The following ASCL5 variants were observed in gnomAD, a reference collection of about 807,000 sequenced individuals.
The protein encoded by ASCL5 is achaete-scute homolog 5.
For missense variants in ASCL5, 262 were observed against 268.9 expected (o/e 0.97, Z 0.18); for synonymous variants, 124 against 131.5 (o/e 0.94, Z 0.39).
At position 201,114,634 on chromosome 1, in the gene ASCL5, C is replaced by T. The variant is rs1266259006; in HGVS notation, c.*118G>A. 1.1e-6 allele frequency: 1 copy of T among 933,470 alleles called. No homozygotes were observed. The highest frequency in any genetic ancestry group is 1.4e-6 in the Non-Finnish European group (1 of 719,086). The allele number at this position is 933,470 out of a possible 1,614,324, so 57.8% of individuals were successfully genotyped here. On this transcript the variant is annotated 3_prime_UTR_variant, in exon 2 of 2. Transcript: ENST00000449188. The stretch of plus-strand genomic sequence containing the variant: ...GTCGCAGACACGGGAGCGCCGCGGA[C>T]CTCCTACAGTCACCGTCCTGCGGCG...
chr1:201,115,197 G>A lies in ASCL5; in HGVS notation c.176C>T (p.Ala59Val). 8.1e-7 allele frequency: 1 copy of A among 1,231,634 alleles called. No individual in the cohort carries two copies. The highest frequency in any genetic ancestry group is 1.0e-6 in the Non-Finnish European group (1 of 987,930). The allele number at this position is 1,231,634 out of a possible 1,614,324, so 76.3% of individuals were successfully genotyped here. Residue 59 changes from alanine to valine, a missense_variant, in exon 2 of 2, where the codon GCC (alanine) becomes GTC (valine). Transcript: ENST00000449188. ...PGPAEPPYYD[A>V]YAGVFPYVPF... ...CACGTAGGGGAACACCCCCGCATAGGCGTCGTAGTAGGGCGGCTCTGCTGG... is the reference window on the plus strand; with the variant it reads ...CACGTAGGGGAACACCCCCGCATAGACGTCGTAGTAGGGCGGCTCTGCTGG...
intron 1 of ASCL5, among the ~76,000 whole-genome samples, chr1:201,121,808 GACAGACT>G (rs60082513): frequency 6.6e-6 from 1 of 151,076 alleles, no homozygotes; most frequent in African/African-American, 2.4e-5. Context: ...CCAGCTGGGT[GACAGACT>G]CAGACCCTGT....
At chr1:201,116,680 G>A (rs1663354708) in intron 1 of ASCL5, among the ~76,000 whole-genome samples, 1 of 152,176 alleles carries the variant, frequency 6.6e-6, no homozygotes, top group Non-Finnish European at 1.5e-5. Flanking sequence ...TAATTGGTGT[G>A]TGTTGAGTTT....
In ASCL5 at chr1:201,115,002, G is replaced by C. The variant is rs1489564311; in HGVS notation, c.371C>G (p.Thr124Arg). Reference protein sequence around the residue: ...LAEKRLSKVETLRAAIRYIKY... With the variant: ...LAEKRLSKVERLRAAIRYIKY... ...TATGTAGCGGATGGCGGCGCGCAGC[G>C]TCTCCACCTTGCTGAGTCGCTTCTC... Residue 124 changes from threonine to arginine, a missense_variant, in exon 2 of 2, where the codon ACG (threonine) becomes AGG (arginine). Physicochemically the swap from Thr to Arg is moderately conservative, Grantham distance 71. Coordinates refer to ENST00000449188, the MANE Select transcript of ASCL5 (RefSeq NM_001270601.2). The C allele has an allele frequency of 4.9e-6, 6 of 1,231,640 alleles. No individual in the cohort carries two copies. Among genetic ancestry groups the C allele is most frequent in the Non-Finnish European group, 5.1e-6 (5 of 988,028 alleles). The allele number at this position is 1,231,640 out of a possible 1,614,324, so 76.3% of individuals were successfully genotyped here.
intron 1 of ASCL5, among the ~76,000 whole-genome samples, chr1:201,124,793 C>T (rs141426786): frequency 4.6e-5 from 7 of 152,310 alleles, no homozygotes; most frequent in Non-Finnish European, 8.8e-5. Context: ...TCAGGGTGTC[C>T]TTGTGAAGTG....
At chr1:201,126,306 G>A (rs1448711922) in intron 1 of ASCL5, among the ~76,000 whole-genome samples, 1 of 151,824 alleles carries the variant, frequency 6.6e-6, no homozygotes, top group Non-Finnish European at 1.5e-5. Context: ...AAATTTTTTT[G>A]TAGAGACAGA....
chr1:201,126,603 T>C (rs757315459), intron 1 of ASCL5, among the ~76,000 whole-genome samples: 1 of 152,206 alleles, frequency 6.6e-6, no homozygotes, highest in Non-Finnish European at 1.5e-5. Context: ...GTGAGCCATA[T>C]ACTATTATTA....
intron 1 of ASCL5, among the ~76,000 whole-genome samples, 197 bp downstream of exon 1, chr1:201,126,887 C>T (rs1392420585): frequency 6.6e-6 from 1 of 152,254 alleles, no homozygotes; most frequent in Non-Finnish European, 1.5e-5. Flanking sequence ...CTTCTCCCAG[C>T]ACTGGTGGGT....
At position 201,114,749 on chromosome 1, in the gene ASCL5, C is replaced by G. The variant is rs531346128; in HGVS notation, c.*3G>C. 2.4e-6 allele frequency: 3 copies of G among 1,230,992 alleles called. No individual in the cohort carries two copies. The highest frequency in any genetic ancestry group is 3.0e-6 in the Non-Finnish European group (3 of 987,484). 76.3% of individuals were successfully genotyped at this position (1,230,992 alleles called of 1,614,324 possible). ...TCCAAGCCGGGGGCGGCCACAGGCC[C>G]GATCAATGCCAGGATTCCTCCGACT... On this transcript the variant is annotated 3_prime_UTR_variant, in exon 2 of 2. Coordinates refer to ENST00000449188, the MANE Select transcript of ASCL5 (RefSeq NM_001270601.2).
intron 1 of ASCL5, among the ~76,000 whole-genome samples, chr1:201,122,001 A>G (rs1287816396): frequency 6.6e-6 from 1 of 152,176 alleles, no homozygotes; most frequent in Non-Finnish European, 1.5e-5. Flanking sequence ...ATCCTTTCAG[A>G]ATCTTGACGG....
At position 201,115,196 on chromosome 1, in the gene ASCL5, G is replaced by A. The variant is rs1272905162; in HGVS notation, c.177C>T (p.Ala59=). The A allele has an allele frequency of 8.1e-7, 1 of 1,231,518 alleles. No homozygotes were observed. Among genetic ancestry groups the A allele is most frequent in the Admixed American group, 4.2e-5 (1 of 23,698 alleles). 76.3% of individuals were successfully genotyped at this position (1,231,518 alleles called of 1,614,324 possible). ...GCACGTAGGGGAACACCCCCGCATA[G>A]GCGTCGTAGTAGGGCGGCTCTGCTG... The part of the protein sequence containing the change: ...PGPAEPPYYD[A]YAGVFPYVPF... Residue 59 remains alanine (A), a synonymous_variant, in exon 2 of 2, where the codon GCC becomes GCT. Transcript: ENST00000449188.
At position 201,126,917 on chromosome 1, in the gene ASCL5, G is replaced by A. The variant is rs554010347; in HGVS notation, c.-506+167C>T. 3.7e-4 allele frequency among the ~76,000 whole-genome samples: 57 copies of A among 152,362 alleles called. 1 individual carries two copies. Among genetic ancestry groups the A allele is most frequent in the African/African-American group, 1.3e-3 (55 of 41,588 alleles). On this transcript the variant is annotated intron_variant, in intron 1 of 1. Coordinates refer to ENST00000449188, the MANE Select transcript of ASCL5 (RefSeq NM_001270601.2). Reference sequence around the variant, plus strand: ...GTGGGTGCCGTAACCCCAGCCAGCAGGTGGCTTGGCTCTGTTTTCCTTTCC... The same window carrying A: ...GTGGGTGCCGTAACCCCAGCCAGCAAGTGGCTTGGCTCTGTTTTCCTTTCC...
chr1:201,120,993 T>C (rs1290286725), intron 1 of ASCL5, among the ~76,000 whole-genome samples: 1 of 152,226 alleles, frequency 6.6e-6, no homozygotes, highest in Non-Finnish European at 1.5e-5. Flanking sequence ...ACTCATTAGC[T>C]TTGTGGAATC....
chr1:201,125,190 G>A (rs1397051440), intron 1 of ASCL5, among the ~76,000 whole-genome samples: 1 of 152,196 alleles, frequency 6.6e-6, no homozygotes, highest in Non-Finnish European at 1.5e-5. Flanking sequence ...TAAGGTTACT[G>A]TGAAGTTCAA....
At chr1:201,116,236 T>C (rs1307369830) in intron 1 of ASCL5, among the ~76,000 whole-genome samples, 1 of 152,240 alleles carries the variant, frequency 6.6e-6, no homozygotes, top group Non-Finnish European at 1.5e-5. Flanking sequence ...GTCTCATCAC[T>C]GATCCCTTCC....
chr1:201,116,994 C>A (rs1468015627), intron 1 of ASCL5, among the ~76,000 whole-genome samples: 1 of 152,098 alleles, frequency 6.6e-6, no homozygotes, highest in Non-Finnish European at 1.5e-5. Flanking sequence ...CTCAGATTCC[C>A]GAGAATGTCT....
In ASCL5 at chr1:201,114,997, G is replaced by A. The variant is rs943515402; in HGVS notation, c.376C>T (p.Arg126Cys). Reference sequence around the variant, plus strand: ...TACTTTATGTAGCGGATGGCGGCGCGCAGCGTCTCCACCTTGCTGAGTCGC... The same window carrying A: ...TACTTTATGTAGCGGATGGCGGCGCACAGCGTCTCCACCTTGCTGAGTCGC... Reference protein sequence around the residue: ...EKRLSKVETLRAAIRYIKYLQ... With the variant: ...EKRLSKVETLCAAIRYIKYLQ... The change falls in exon 2 of 2, where the codon CGC becomes TGC. Residue 126 changes from arginine (R) to cysteine (C), a missense_variant. Physicochemically the swap from Arg to Cys is radical, Grantham distance 180 (BLOSUM62 -3). Coordinates refer to ENST00000449188, the MANE Select transcript of ASCL5 (RefSeq NM_001270601.2). 1.8e-5 allele frequency: 22 copies of A among 1,231,616 alleles called. No homozygotes were observed. Among genetic ancestry groups the A allele is most frequent in the Non-Finnish European group, 2.2e-5 (22 of 988,000 alleles). The allele number at this position is 1,231,616 out of a possible 1,614,324, so 76.3% of individuals were successfully genotyped here. A position where few individuals can be genotyped will look rare whatever the true frequency, so the allele number is the denominator to read the frequency against.
Position 201,115,439 on chromosome 1 carries a change from G to A in ASCL5, c.-67C>T. 1 of 1,198,876 alleles carries A rather than the reference G, an allele frequency of 8.3e-7. No individual in the cohort carries two copies. Among genetic ancestry groups the A allele is most frequent in the Non-Finnish European group, 1.0e-6 (1 of 958,328 alleles). The allele number at this position is 1,198,876 out of a possible 1,614,324, so 74.3% of individuals were successfully genotyped here. ...ATGGCCCCGGCTTGGGGTCTGCACCGTCTCCACCAGTGGGGCAAGTCACAT... is the reference window on the plus strand; with the variant it reads ...ATGGCCCCGGCTTGGGGTCTGCACCATCTCCACCAGTGGGGCAAGTCACAT... On this transcript the variant is annotated 5_prime_UTR_variant, in exon 2 of 2. It adds an upstream start codon to the 5' untranslated region. Transcript: ENST00000449188.
intron 1 of ASCL5, among the ~76,000 whole-genome samples, chr1:201,117,674 C>T (rs528732458): frequency 6.6e-6 from 1 of 152,188 alleles, no homozygotes; most frequent in Non-Finnish European, 1.5e-5. Flanking sequence ...CTCTGCTTTA[C>T]CCAGAGTCCT....
Sources: allele counts gnomAD v4.1 joint callset (sites outside exome capture counted in the v4.1 genomes callset), GRCh38; gene constraint gnomAD v4.1.1; transcripts MANE v1.5; gene names NCBI Gene and HGNC (gene_info 2026-07-23, HGNC 2026-07-21).